Variants in CXCR5 observed in about 807,000 individuals in gnomAD.
The protein encoded by CXCR5 is C-X-C chemokine receptor type 5.
CXCR5 carries 3 observed loss-of-function variants against 5.6 expected under a neutral mutation model. The observed-to-expected ratio is 0.54, with a 90% CI of 0.24 to 1.39. The LOEUF (loss-of-function observed/expected upper bound fraction) is 1.39. Among genes scored for constraint, CXCR5 ranks in the 40% most tolerant of loss-of-function variants. The probability of loss-of-function intolerance (pLI) is 0.16; values close to 1 mark genes in which losing one functional copy is unlikely to be tolerated. For missense variants in CXCR5, 333 were observed against 494.6 expected (o/e 0.67, Z 3.10); for synonymous variants, 218 against 219.9 (o/e 0.99, Z 0.08).
At position 118,893,748 on chromosome 11, in the gene CXCR5, C is replaced by T. The variant is rs1388812552; in HGVS notation, c.204C>T (p.Gly68=). 1.9e-5 allele frequency: 31 copies of T among 1,614,224 alleles called. No individual in the cohort carries two copies. The highest frequency in any genetic ancestry group is 2.5e-5 in the Non-Finnish European group (29 of 1,180,028). ...TCATCTTCCTCCTGGGCGTGATCGG[C>T]AACGTCCTGGTGCTGGTGATCCTGG... The part of the protein sequence containing the change: ...YSLIFLLGVI[G]NVLVLVILER... Residue 68 remains glycine (G), a synonymous_variant, in exon 2 of 2, where the codon GGC becomes GGT. Coordinates refer to ENST00000292174, the MANE Select transcript of CXCR5 (RefSeq NM_001716.5). The surrounding 1 kb of genome is among the most constrained non-coding windows in gnomAD (Gnocchi z 5.7).
intron 1 of CXCR5, among the ~76,000 whole-genome samples, chr11:118,890,299 C>T (rs911815238): frequency 2.0e-5 from 3 of 152,152 alleles, no homozygotes; most frequent in South Asian, 2.1e-4. Flanking sequence ...GGTCAGCACA[C>T]GTCTGTCCTA....
chr11:118,890,882 C>T (rs58397111), intron 1 of CXCR5, among the ~76,000 whole-genome samples: 5,525 of 152,326 alleles, frequency 0.036, 213 homozygotes, highest in African/African-American at 0.096. Context: ...GACACACACA[C>T]AGTCATGGGT....
At chr11:118,886,473 A>C in intron 1 of CXCR5, 2 of 291,170 alleles carry the variant, frequency 6.9e-6, no homozygotes, top group South Asian at 5.2e-5. Context: ...TCTTTAAGGC[A>C]GGGGCTGGGG....
chr11:118,884,983 A>C (rs983187904), intron 1 of CXCR5, among the ~76,000 whole-genome samples: 1 of 152,140 alleles, frequency 6.6e-6, no homozygotes, highest in Admixed American at 6.5e-5. Context: ...ATCATGAAGG[A>C]GCCAAACCCT....
intron 1 of CXCR5, among the ~76,000 whole-genome samples, chr11:118,890,766 C>T (rs1565605886): frequency 6.6e-6 from 1 of 152,184 alleles, no homozygotes; most frequent in Non-Finnish European, 1.5e-5. Context: ...TCAATGAAAG[C>T]TTATGTGTGA....
chr11:118,891,106 G>A (rs1939801513), intron 1 of CXCR5, among the ~76,000 whole-genome samples: 1 of 152,164 alleles, frequency 6.6e-6, no homozygotes, highest in African/African-American at 2.4e-5. Context: ...GTGTGTTTGG[G>A]GGAGAAATTC....
chr11:118,885,046 C>T (rs1939689218), intron 1 of CXCR5, among the ~76,000 whole-genome samples: 1 of 152,144 alleles, frequency 6.6e-6, no homozygotes, highest in Non-Finnish European at 1.5e-5. Context: ...TGTCTGACTC[C>T]CTCCTGCTCC....
In CXCR5 at chr11:118,883,926, C is replaced by A; in HGVS notation, c.-16C>A. On this transcript the variant is annotated 5_prime_UTR_variant, in exon 1 of 2. Transcript: ENST00000292174. ...TAAGACAGTGACCAGTCTGGTGACT[C>A]ACAGCCGGCACAGCCATGAACTACC... 1 of 1,609,566 alleles carries A rather than the reference C, an allele frequency of 6.2e-7. No homozygotes were observed. The highest frequency in any genetic ancestry group is 8.5e-7 in the Non-Finnish European group (1 of 1,177,862).
chr11:118,884,100 T>C (rs2137648744), intron 1 of CXCR5, 108 bp downstream of exon 1: 1 of 1,121,136 alleles, frequency 8.9e-7, no homozygotes, highest in South Asian at 1.3e-5. Context: ...TCTCCCACTG[T>C]GGATCTGTAA....
At chr11:118,892,678 T>G (rs957344583) in intron 1 of CXCR5, among the ~76,000 whole-genome samples, 3,121 of 82,352 alleles carry the variant, frequency 0.038, no homozygotes, top group Admixed American at 0.048. Flanking sequence ...GGGGGGGGGG[T>G]GATGGGGAGA....
At chr11:118,885,454 T>C (rs1242311412) in intron 1 of CXCR5, among the ~76,000 whole-genome samples, 1 of 152,158 alleles carries the variant, frequency 6.6e-6, no homozygotes, top group African/African-American at 2.4e-5. Flanking sequence ...CTGAGTCTAA[T>C]CACAGAGTCT....
intron 1 of CXCR5, among the ~76,000 whole-genome samples, chr11:118,884,420 T>C (rs1939678341): frequency 6.6e-6 from 1 of 152,198 alleles, no homozygotes; most frequent in Non-Finnish European, 1.5e-5. Flanking sequence ...TGTTCGTCTC[T>C]GGCCATATGA....
rs867988363 is a variant in CXCR5 at position 118,895,835 on chromosome 11, C to G, written c.*1172C>G. ...CAGATGGAACCGCAGGAAGCTGCTC[C>G]GTGCTTGTTTGCTCACCTGGGGTGT... On this transcript the variant is annotated 3_prime_UTR_variant, in exon 2 of 2. Coordinates refer to ENST00000292174, the MANE Select transcript of CXCR5 (RefSeq NM_001716.5). This position sits in a 1 kb window ranked among gnomAD's most constrained non-coding sequence, Gnocchi z 4.2. 6.0e-6 allele frequency: 1 copy of G among 167,186 alleles called. No homozygotes were observed. The highest frequency in any genetic ancestry group is 1.5e-5 in the Non-Finnish European group (1 of 68,196). The allele number at this position is 167,186 out of a possible 1,614,324, so 10.4% of individuals were successfully genotyped here. A position where few individuals can be genotyped will look rare whatever the true frequency, so the allele number is the denominator to read the frequency against.
chr11:118,886,154 A>T (rs1939706712), intron 1 of CXCR5: 2 of 349,754 alleles, frequency 5.7e-6, no homozygotes, highest in Non-Finnish European at 5.5e-6. Flanking sequence ...GTATTTATTG[A>T]TTTGTGATGC....
intron 1 of CXCR5, among the ~76,000 whole-genome samples, chr11:118,890,967 A>C (rs1302571387): frequency 6.6e-6 from 1 of 152,204 alleles, no homozygotes; most frequent in African/African-American, 2.4e-5. Context: ...AGGCTGGGGC[A>C]GGAGGAGGAT....
intron 1 of CXCR5, chr11:118,886,469 A>C: frequency 2.8e-6 from 1 of 358,220 alleles, no homozygotes; most frequent in Non-Finnish European, 5.3e-6. Flanking sequence ...CACTTCTTTA[A>C]GGCAGGGGCT....
At chr11:118,892,397 G>T (rs1239319912) in intron 1 of CXCR5, among the ~76,000 whole-genome samples, 1 of 152,102 alleles carries the variant, frequency 6.6e-6, no homozygotes, top group Non-Finnish European at 1.5e-5. Context: ...GCACCATTAA[G>T]CCACCCGGAG....
At position 118,889,090 on chromosome 11, in the gene CXCR5, T is replaced by C. The variant is rs55636450; in HGVS notation, c.52-4506T>C. ...CCTACCACAGGCCAAGCACTTTGCATCTCCTTACACCCCCCACCTCCCGCT... is the reference window on the plus strand; with the variant it reads ...CCTACCACAGGCCAAGCACTTTGCACCTCCTTACACCCCCCACCTCCCGCT... On this transcript the variant is annotated intron_variant, in intron 1 of 1. Coordinates refer to ENST00000292174, the MANE Select transcript of CXCR5 (RefSeq NM_001716.5). Among the ~76,000 whole-genome samples the C allele has an allele frequency of 7.6e-3, 1,156 of 152,186 alleles. 13 individuals carry two copies. The highest frequency in any genetic ancestry group is 0.026 in the African/African-American group (1,072 of 41,514).
At chr11:118,886,661 T>A in intron 1 of CXCR5, 1 of 295,866 alleles carries the variant, frequency 3.4e-6, no homozygotes, top group Non-Finnish European at 6.5e-6. Context: ...CGACCCTCGA[T>A]CTGAGAGCCT....
Sources: gnomAD v4.1 joint callset for allele counts (sites outside exome capture counted in the v4.1 genomes callset) on GRCh38, gnomAD v4.1.1 for gene constraint, Gnocchi (gnomAD v3.1) non-coding constraint, MANE v1.5 for transcripts, NCBI Gene and HGNC (gene_info 2026-07-23, HGNC 2026-07-21) for gene names.